COL17A1: variants seen among roughly 807,000 people sequenced by gnomAD.
COL17A1 encodes collagen type XVII alpha 1 chain, also known as collagen alpha-1(XVII) chain.
In COL17A1, 181 loss-of-function variants were observed where a neutral mutation model predicts 218.4. That is an observed-to-expected ratio of 0.83 (90% CI 0.73 to 0.94). The LOEUF is 0.94. Among genes scored for constraint, COL17A1 ranks in the 40% least tolerant of loss-of-function variants. The probability of loss-of-function intolerance (pLI) is 0.00; values close to 1 mark genes in which losing one functional copy is unlikely to be tolerated. For missense variants in COL17A1, 1,924 were observed against 1,945.9 expected (o/e 0.99, Z 0.21); for synonymous variants, 721 against 731.0 (o/e 0.99, Z 0.22).
rs375695103 is a variant in COL17A1, at chr10:104,041,293, C to T, written c.2647+10G>A. ...CCCTCCCACCTCCCAGTGGTAAGCTCGGCTCTCACCTGGTGGGCCTCGGGG... is the reference window on the plus strand; with the variant it reads ...CCCTCCCACCTCCCAGTGGTAAGCTTGGCTCTCACCTGGTGGGCCTCGGGG... On this transcript the variant is annotated intron_variant, in intron 38 of 55. Transcript: ENST00000648076. 3.4e-5 allele frequency: 54 copies of T among 1,603,662 alleles called. No homozygotes were observed. The highest frequency in any genetic ancestry group is 3.3e-4 in the Middle Eastern group (2 of 6,014).
chr10:104,056,375 A>G (rs113524473), intron 17 of COL17A1, among the ~76,000 whole-genome samples: 4,466 of 152,076 alleles, frequency 0.029, 138 homozygotes, highest in East Asian at 0.11. Flanking sequence ...GGGGTCAGGA[A>G]ATCGAGACCA....
Position 104,074,168 on chromosome 10 carries a change from T to C in COL17A1, c.379+16A>G. 1 of 1,614,084 alleles carries C rather than the reference T, an allele frequency of 6.2e-7. No individual in the cohort carries two copies. On this transcript the variant is annotated intron_variant, in intron 6 of 55. Coordinates refer to ENST00000648076, the MANE Select transcript of COL17A1 (RefSeq NM_000494.4). ...CTCGTTTGACCATTTCTTTAGAAAA[T>C]AAGGAGAGGACATACCAAATTCCTT... is the stretch of plus-strand genomic sequence containing the variant.
At chr10:104,080,877 A>G (rs2086759126) in intron 1 of COL17A1, among the ~76,000 whole-genome samples, 193 bp from the exon 2 acceptor site, 1 of 152,164 alleles carries the variant, frequency 6.6e-6, no homozygotes, top group South Asian at 2.1e-4. Flanking sequence ...TAATTGTTCC[A>G]CTTTGGATTC....
chr10:104,065,101 C>T (rs1398099765), intron 9 of COL17A1, among the ~76,000 whole-genome samples: 2 of 152,228 alleles, frequency 1.3e-5, no homozygotes, highest in African/African-American at 4.8e-5. Flanking sequence ...TGGCAGCCTT[C>T]TCTGGTTCCA....
At chr10:104,078,004 C>T (rs1254486323) in intron 3 of COL17A1, among the ~76,000 whole-genome samples, 1 of 152,200 alleles carries the variant, frequency 6.6e-6, no homozygotes, top group Non-Finnish European at 1.5e-5. Flanking sequence ...TCCGACTTCA[C>T]CTGCTGGTGG....
intron 9 of COL17A1, 58 bp from the exon 10 acceptor site, chr10:104,064,654 G>A (rs1479920676): frequency 1.3e-6 from 2 of 1,491,712 alleles, no homozygotes; most frequent in East Asian, 2.4e-5. Context: ...TCCCTGCTGG[G>A]GAATCTAGTC....
At chr10:104,057,260 C>A in intron 16 of COL17A1, 88 bp from the exon 17 acceptor site, 1 of 1,605,112 alleles carries the variant, frequency 6.2e-7, no homozygotes. Context: ...ACTTTCTGGC[C>A]TGAGTGACTA....
Position 104,045,829 on chromosome 10 carries a change from G to C in COL17A1, c.2363-36C>G, listed in dbSNP as rs200775895. ...TAGAACAAGTAGTCAGGACGATGAA[G>C]GCCCAGCAATTCCAGATACCCTTGG... On this transcript the variant is annotated intron_variant, in intron 32 of 55. Transcript: ENST00000648076. The C allele has an allele frequency of 2.5e-6, 4 of 1,587,204 alleles. No homozygotes were observed. In the South Asian group the frequency reaches 4.4e-5, roughly 18 times the overall value.
chr10:104,067,358 A>G (rs2086635299), intron 9 of COL17A1, among the ~76,000 whole-genome samples: 1 of 147,790 alleles, frequency 6.8e-6, no homozygotes, highest in African/African-American at 2.5e-5. Context: ...AAAAAAAAAA[A>G]TCAGGATTAC....
intron 46 of COL17A1, 68 bp from the exon 47 acceptor site, chr10:104,037,181 A>G: frequency 7.1e-7 from 1 of 1,411,392 alleles, no homozygotes; most frequent in Non-Finnish European, 9.8e-7. Flanking sequence ...CTATTCCAGA[A>G]TCTGAAAGGC....
At position 104,078,477 on chromosome 10, in the gene COL17A1, G is replaced by C. The variant is rs1458162002; in HGVS notation, c.97+65C>G. ...AAATTTTGGAGCTCCCATGGAAAAG[G>C]TTACAGGTGTGGGGCCCTTCAAATG... On this transcript the variant is annotated intron_variant, in intron 3 of 55. Transcript: ENST00000648076. 5.0e-6 allele frequency: 8 copies of C among 1,610,182 alleles called. No individual in the cohort carries two copies. The East Asian group carries it at 1.8e-4, about 36-fold the overall frequency.
At position 104,048,134 on chromosome 10, in the gene COL17A1, T is replaced by C. The variant is rs765774704; in HGVS notation, c.2228-30A>G. On this transcript the variant is annotated intron_variant, in intron 29 of 55. Transcript: ENST00000648076. ...TAAAGTAGAAGCAAGGTCTCTCAGT[T>C]GCTCCTGGAGTGATTTCTGCGATTC... 4 of 1,613,768 alleles carry C rather than the reference T, an allele frequency of 2.5e-6. No homozygotes were observed. The Admixed American group carries it at 6.7e-5, about 27-fold the overall frequency.
At chr10:104,032,809 C>T in intron 54 of COL17A1, 55 bp from the exon 55 acceptor site, 1 of 1,610,066 alleles carries the variant, frequency 6.2e-7, no homozygotes, top group South Asian at 1.1e-5. Context: ...GGACTGAGGG[C>T]ACAGGTAGCC....
chr10:104,073,319 A>G (rs1564685871), intron 6 of COL17A1, 74 bp from the exon 7 acceptor site: 3 of 1,363,662 alleles, frequency 2.2e-6, no homozygotes, highest in East Asian at 4.6e-5. Flanking sequence ...ATGGAGGCAG[A>G]TATATTTGGG....
Position 104,045,813 on chromosome 10 carries a change from T to C in COL17A1, c.2363-20A>G, listed in dbSNP as rs1564675509. The C allele has an allele frequency of 6.2e-7, 1 of 1,607,512 alleles. No individual in the cohort carries two copies. ...GAAGTCCTGATGTGATTAGAACAAG[T>C]AGTCAGGACGATGAAGGCCCAGCAA... On this transcript the variant is annotated intron_variant, in intron 32 of 55. Coordinates refer to ENST00000648076, the MANE Select transcript of COL17A1 (RefSeq NM_000494.4).
At chr10:104,045,948 C>T (rs1222735777) in intron 32 of COL17A1, among the ~76,000 whole-genome samples, 155 bp from the exon 33 acceptor site, 1 of 152,206 alleles carries the variant, frequency 6.6e-6, no homozygotes, top group Non-Finnish European at 1.5e-5. Context: ...TCTAGACAAC[C>T]CCGGGGAGCC....
At chr10:104,073,123 C>T in intron 7 of COL17A1, 87 bp downstream of exon 7, 1 of 1,226,060 alleles carries the variant, frequency 8.2e-7, no homozygotes, top group East Asian at 2.3e-5. Context: ...GTACTCCTTA[C>T]ACTCCCTGGC....
chr10:104,070,417 C>T lies in COL17A1; in HGVS notation c.607+9G>A. On this transcript the variant is annotated intron_variant, in intron 9 of 55. Transcript: ENST00000648076. ...CACACTCCTCGGCAGCCTGGGCTGTCAGACTTACCCGACTGGGAGCTCGCT... is the reference window on the plus strand; with the variant it reads ...CACACTCCTCGGCAGCCTGGGCTGTTAGACTTACCCGACTGGGAGCTCGCT... 6.2e-7 allele frequency: 1 copy of T among 1,613,184 alleles called. No individual in the cohort carries two copies. The highest frequency in any genetic ancestry group is 8.5e-7 in the Non-Finnish European group (1 of 1,180,012).
At position 104,070,568 on chromosome 10, in the gene COL17A1, C is replaced by T. The variant is rs1228451285; in HGVS notation, c.465G>A (p.Trp155Ter). Residue 155 changes from tryptophan (W) to a stop codon, truncating the protein, a stop_gained and splice_region_variant, in exon 9 of 56, where the codon TGG becomes TGA. Transcript: ENST00000648076. LOFTEE classifies it high-confidence loss of function. Reference protein sequence around the residue: ...RLQSASPSTRWTELDDVKRLL... With the variant: ...RLQSASPSTR ...AACGCTTAACATCATCCAATTCTGT[C>T]CCTGTGAAAGAATCCACAGACGTTT... is the stretch of plus-strand genomic sequence containing the variant. 1.2e-6 allele frequency: 2 copies of T among 1,614,200 alleles called. No individual in the cohort carries two copies. The highest frequency in any genetic ancestry group is 1.7e-5 in the Admixed American group (1 of 60,024).
Sources: allele counts gnomAD v4.1 joint callset (sites outside exome capture counted in the v4.1 genomes callset), GRCh38; gene constraint gnomAD v4.1.1; transcripts MANE v1.5; gene names NCBI Gene and HGNC (gene_info 2026-07-23, HGNC 2026-07-21).